OR5M1: variants seen among roughly 807,000 people sequenced by gnomAD.
OR5M1 encodes olfactory receptor 5M1.
For missense variants in OR5M1, 367 were observed against 379.5 expected, an observed-to-expected ratio of 0.97 and a Z score of 0.27; for synonymous variants, 165 against 144.2, an observed-to-expected ratio of 1.14 and a Z score of -1.04.
Position 56,612,638 on chromosome 11 carries a change from T to A in OR5M1, c.865A>T (p.Ile289Phe). Residue 289 changes from isoleucine to phenylalanine, a missense_variant, in exon 2 of 2, where the codon ATC becomes TTC. Transcript: ENST00000641076. ...ACATCTGTGTTCCGTAGGCTATAGA[T>A]CAATGGGTTCAGCATTGGGCTCAAA... The part of the protein sequence containing the change: ...TFLSPMLNPL[I>F]YSLRNTDVIL... The A allele has an allele frequency of 6.2e-7, 1 of 1,613,658 alleles. No individual in the cohort carries two copies.
In OR5M1 at chr11:56,612,450, T is replaced by C; in HGVS notation, c.*105A>G. On this transcript the variant is annotated 3_prime_UTR_variant, in exon 2 of 2. Coordinates refer to ENST00000641076, the MANE Select transcript of OR5M1 (RefSeq NM_001004740.2). The stretch of plus-strand genomic sequence containing the variant: ...TTGGATAAGAAAGTAAAGTGGTTAC[T>C]GACAGTCCATGATGTTAAATAAATC... 1.3e-6 allele frequency: 1 copy of C among 741,808 alleles called. No individual in the cohort carries two copies. The highest frequency in any genetic ancestry group is 2.2e-6 in the Non-Finnish European group (1 of 457,360). 46.0% of individuals were successfully genotyped at this position (741,808 alleles called of 1,614,324 possible).
In OR5M1 at chr11:56,610,525, C is replaced by T. The variant is rs981445992; in HGVS notation, c.*2030G>A. The T allele has an allele frequency of 6.6e-6, 1 of 152,040 alleles. No homozygotes were observed. Among genetic ancestry groups the T allele is most frequent in the African/African-American group, 2.4e-5 (1 of 41,418 alleles). The allele number at this position is 152,040 out of a possible 1,614,324, so 9.4% of individuals were successfully genotyped here. On this transcript the variant is annotated 3_prime_UTR_variant, in exon 2 of 2. Coordinates refer to ENST00000641076, the MANE Select transcript of OR5M1 (RefSeq NM_001004740.2). ...TGAAACCAAGAAACCTGCTTTTGTC[C>T]TACTGAGTGGCCAAATGACTTTGGG...
In OR5M1 at chr11:56,609,932, C is replaced by G. The variant is rs1472893677; in HGVS notation, c.*2623G>C. 6.6e-6 allele frequency: 1 copy of G among 151,902 alleles called. No individual in the cohort carries two copies. The highest frequency in any genetic ancestry group is 2.4e-5 in the African/African-American group (1 of 41,406). 9.4% of individuals were successfully genotyped at this position (151,902 alleles called of 1,614,324 possible). ...ATATGACATTCAACATGATGTTCAT[C>G]AGAAATATTTAATCTATATAAAGGT... On this transcript the variant is annotated 3_prime_UTR_variant, in exon 2 of 2. Transcript: ENST00000641076.
chr11:56,612,225 G>C lies in OR5M1; in HGVS notation c.*330C>G, dbSNP rs1009854711. The C allele has an allele frequency of 5.7e-6, 1 of 174,152 alleles. No individual in the cohort carries two copies. The highest frequency in any genetic ancestry group is 1.2e-5 in the Non-Finnish European group (1 of 82,360). The allele number at this position is 174,152 out of a possible 1,614,324, so 10.8% of individuals were successfully genotyped here. A position where few individuals can be genotyped will look rare whatever the true frequency, so the allele number is the denominator to read the frequency against. On this transcript the variant is annotated 3_prime_UTR_variant, in exon 2 of 2. Transcript: ENST00000641076. ...GCTCTGTGGACCATCATATTCAAAG[G>C]AGATGAATTTTCAGAATTTCTCTCA...
rs1853689085 is a variant in OR5M1, at chr11:56,612,352, G to A, written c.*203C>T. On this transcript the variant is annotated 3_prime_UTR_variant, in exon 2 of 2. Coordinates refer to ENST00000641076, the MANE Select transcript of OR5M1 (RefSeq NM_001004740.2). ...AAAAATTTATTTTCATAGAATTTCT[G>A]ACAAATAAAACATTTTAAATTTCTC... 2 of 367,266 alleles carry A rather than the reference G, an allele frequency of 5.4e-6. No individual in the cohort carries two copies. The highest frequency in any genetic ancestry group is 4.9e-6 in the Non-Finnish European group (1 of 205,832). The allele number at this position is 367,266 out of a possible 1,614,324, so 22.8% of individuals were successfully genotyped here.
chr11:56,612,958 G>A lies in OR5M1; in HGVS notation c.545C>T (p.Pro182Leu), dbSNP rs756263531. The change falls in exon 2 of 2, where the codon CCT becomes CTT. Residue 182 changes from proline to leucine, a missense_variant. Coordinates refer to ENST00000641076, the MANE Select transcript of OR5M1 (RefSeq NM_001004740.2). ...AGAGCAGGCCAGCATGATAAGAGGA[G>A]GATCAGCGCAGTAGAAATGATTGAT... is the stretch of plus-strand genomic sequence containing the variant. ...LEINHFYCAD[P>L]PLIMLACSDT... 1 of 1,613,720 alleles carries A rather than the reference G, an allele frequency of 6.2e-7. No individual in the cohort carries two copies. The highest frequency in any genetic ancestry group is 8.5e-7 in the Non-Finnish European group (1 of 1,179,788).
rs556716478 is a variant in OR5M1 at position 56,610,902 on chromosome 11, T to C, written c.*1653A>G. ...TGCAAGCCAGAGCAATTCTCATAAC[T>C]AGAAAATAAATGGAATCGTACAGTT... On this transcript the variant is annotated 3_prime_UTR_variant, in exon 2 of 2. Transcript: ENST00000641076. The C allele has an allele frequency of 1.3e-5, 2 of 152,224 alleles. No homozygotes were observed. Among genetic ancestry groups the C allele is most frequent in the South Asian group, 4.1e-4 (2 of 4,824 alleles). The allele number at this position is 152,224 out of a possible 1,614,324, so 9.4% of individuals were successfully genotyped here.
intron 1 of OR5M1, 94 bp from the exon 2 acceptor site, chr11:56,613,613 G>A: frequency 3.1e-6 from 3 of 969,424 alleles, no homozygotes; most frequent in Non-Finnish European, 4.7e-6. Flanking sequence ...TATTTATCTA[G>A]GTGACAATTA....
At position 56,612,310 on chromosome 11, in the gene OR5M1, A is replaced by T. The variant is rs1244772864; in HGVS notation, c.*245T>A. On this transcript the variant is annotated 3_prime_UTR_variant, in exon 2 of 2. Transcript: ENST00000641076. The stretch of plus-strand genomic sequence containing the variant: ...GTAAGTAAACATAGTATTTTCATAT[A>T]GAATTATTAGATACTAAAAAATTTA... 2 of 267,558 alleles carry T rather than the reference A, an allele frequency of 7.5e-6. No individual in the cohort carries two copies. The highest frequency in any genetic ancestry group is 1.4e-5 in the Non-Finnish European group (2 of 143,576). 16.6% of individuals were successfully genotyped at this position (267,558 alleles called of 1,614,324 possible).
At position 56,612,832 on chromosome 11, in the gene OR5M1, G is replaced by C. The variant is rs181466701; in HGVS notation, c.671C>G (p.Ala224Gly). The C allele has an allele frequency of 6.2e-7, 1 of 1,613,580 alleles. No individual in the cohort carries two copies. The highest frequency in any genetic ancestry group is 1.3e-5 in the African/African-American group (1 of 74,890). ...ILLSYLFIFA[A>G]IFRIRSAEGR... ...TTCAGCAGAACGGATCCTGAAGATC[G>C]CTGCAAAAATGAAAAGATAGGACAG... Residue 224 changes from alanine to glycine, a missense_variant, in exon 2 of 2, where the codon GCG becomes GGG. By Grantham distance (60) the Ala-to-Gly change is moderately conservative. Coordinates refer to ENST00000641076, the MANE Select transcript of OR5M1 (RefSeq NM_001004740.2).
rs1853666439 is a variant in OR5M1, at chr11:56,610,769, GA to G, written c.*1785del. On this transcript the variant is annotated 3_prime_UTR_variant, in exon 2 of 2. Transcript: ENST00000641076. ...ACTTTTACCCAAAGACATGCAGAAGGAAAAAATTAAATCACAAATAGAAATA... is the reference window on the plus strand; with the variant it reads ...ACTTTTACCCAAAGACATGCAGAAGGAAAAATTAAATCACAAATAGAAATA... 1 of 151,854 alleles carries G rather than the reference GA, an allele frequency of 6.6e-6. No homozygotes were observed. Among genetic ancestry groups the G allele is most frequent in the African/African-American group, 2.4e-5 (1 of 41,362 alleles). 9.4% of individuals were successfully genotyped at this position (151,854 alleles called of 1,614,324 possible).
chr11:56,610,648 C>G lies in OR5M1; in HGVS notation c.*1907G>C, dbSNP rs1324639494. 1 of 152,000 alleles carries G rather than the reference C, an allele frequency of 6.6e-6. No homozygotes were observed. Among genetic ancestry groups the G allele is most frequent in the Non-Finnish European group, 1.5e-5 (1 of 67,990 alleles). The allele number at this position is 152,000 out of a possible 1,614,324, so 9.4% of individuals were successfully genotyped here. On this transcript the variant is annotated 3_prime_UTR_variant, in exon 2 of 2. Transcript: ENST00000641076. ...TTTATGAAGATTAAAATAAAGTGTT[C>G]CTAAAATCAGCACTACACTGTGACT...
At chr11:56,613,552 C>A in intron 1 of OR5M1, 33 bp from the exon 2 acceptor site, 1 of 1,536,698 alleles carries the variant, frequency 6.5e-7, no homozygotes, top group African/African-American at 1.4e-5. Flanking sequence ...GGATTTCTCT[C>A]TGATTCAGAT....
chr11:56,614,479 A>G (rs556269437), intron 1 of OR5M1, among the ~76,000 whole-genome samples: 2 of 152,066 alleles, frequency 1.3e-5, no homozygotes, highest in Non-Finnish European at 2.9e-5. Context: ...TTTTTGTGCC[A>G]CTAACCCACT....
rs1479669757 is a variant in OR5M1 at position 56,610,122 on chromosome 11, T to A, written c.*2433A>T. 1.3e-5 allele frequency: 2 copies of A among 152,026 alleles called. No homozygotes were observed. Among genetic ancestry groups the A allele is most frequent in the African/African-American group, 2.4e-5 (1 of 41,450 alleles). 9.4% of individuals were successfully genotyped at this position (152,026 alleles called of 1,614,324 possible). A position where few individuals can be genotyped will look rare whatever the true frequency, so the allele number is the denominator to read the frequency against. Reference sequence around the variant, plus strand: ...CCTTTGTCACAGGACAGATCCCTCATAAATTTTACTCCCTCATATTTGTCT... The same window carrying A: ...CCTTTGTCACAGGACAGATCCCTCAAAAATTTTACTCCCTCATATTTGTCT... On this transcript the variant is annotated 3_prime_UTR_variant, in exon 2 of 2. Coordinates refer to ENST00000641076, the MANE Select transcript of OR5M1 (RefSeq NM_001004740.2).
rs1853699507 is a variant in OR5M1 at position 56,613,002 on chromosome 11, G to A, written c.501C>T (p.Ser167=). ...FSQSLLTFHL[S]FCGSLEINHF... is the part of the protein sequence containing the mutation. ...GATTGATTTCAAGGGAGCCACAGAA[G>A]GATAAGTGAAAGGTTAGCAGTGACT... The change falls in exon 2 of 2, where the codon TCC becomes TCT. Residue 167 remains serine (S), a synonymous_variant. Coordinates refer to ENST00000641076, the MANE Select transcript of OR5M1 (RefSeq NM_001004740.2). The A allele has an allele frequency of 1.2e-6, 2 of 1,613,690 alleles. No individual in the cohort carries two copies. The highest frequency in any genetic ancestry group is 1.7e-6 in the Non-Finnish European group (2 of 1,179,834).
chr11:56,609,252 G>A lies in OR5M1; in HGVS notation c.*3303C>T, dbSNP rs1853645863. On this transcript the variant is annotated 3_prime_UTR_variant, in exon 2 of 2. Coordinates refer to ENST00000641076, the MANE Select transcript of OR5M1 (RefSeq NM_001004740.2). ...GTGCTTGTTTTTTCAATTTTAGGAT[G>A]AGGAAAACTTACATAACAGCAATAA... 6.6e-6 allele frequency: 1 copy of A among 151,890 alleles called. No individual in the cohort carries two copies. The highest frequency in any genetic ancestry group is 2.1e-4 in the South Asian group (1 of 4,826). The allele number at this position is 151,890 out of a possible 1,614,324, so 9.4% of individuals were successfully genotyped here.
chr11:56,611,275 GCCTT>G lies in OR5M1; in HGVS notation c.*1276_*1279del, dbSNP rs1276025108. On this transcript the variant is annotated 3_prime_UTR_variant, in exon 2 of 2. Coordinates refer to ENST00000641076, the MANE Select transcript of OR5M1 (RefSeq NM_001004740.2). ...TGTTAAATTCTTGTCACCGAAATTT[GCCTT>G]CCTTCTTTTTCAGATACTGTTTCTG... 1.3e-5 allele frequency: 2 copies of G among 152,082 alleles called. No homozygotes were observed. Among genetic ancestry groups the G allele is most frequent in the Admixed American group, 1.3e-4 (2 of 15,244 alleles). 9.4% of individuals were successfully genotyped at this position (152,082 alleles called of 1,614,324 possible). A position where few individuals can be genotyped will look rare whatever the true frequency, so the allele number is the denominator to read the frequency against.
rs1011052782 is a variant in OR5M1, at chr11:56,610,148, G to A, written c.*2407C>T. The A allele has an allele frequency of 1.3e-5, 2 of 151,922 alleles. No individual in the cohort carries two copies. The highest frequency in any genetic ancestry group is 3.9e-4 in the East Asian group (2 of 5,184). The allele number at this position is 151,922 out of a possible 1,614,324, so 9.4% of individuals were successfully genotyped here. ...AAATTTTACTCCCTCATATTTGTCT[G>A]TACCTGGTAATTAATTAATATGAAT... On this transcript the variant is annotated 3_prime_UTR_variant, in exon 2 of 2. Coordinates refer to ENST00000641076, the MANE Select transcript of OR5M1 (RefSeq NM_001004740.2).
Sources: gnomAD v4.1 joint callset for allele counts (sites outside exome capture counted in the v4.1 genomes callset) on GRCh38, gnomAD v4.1.1 for gene constraint, MANE v1.5 for transcripts, NCBI Gene and HGNC (gene_info 2026-07-23, HGNC 2026-07-21) for gene names.